DNAJC1: variants seen among roughly 807,000 people sequenced by gnomAD.
The protein encoded by DNAJC1 is DnaJ heat shock protein family (Hsp40) member C1.
Under a neutral mutation model 76.6 loss-of-function variants are expected in DNAJC1, and 58 were observed. The observed-to-expected ratio is 0.76, with a 90% CI of 0.61 to 0.94. The LOEUF (loss-of-function observed/expected upper bound fraction) is 0.94. Ranked by LOEUF, DNAJC1 falls within the 40% of genes least tolerant of loss-of-function variation. The probability of loss-of-function intolerance (pLI) is 0.00; values close to 1 mark genes in which losing one functional copy is unlikely to be tolerated. For synonymous variants in DNAJC1, 258 were observed against 267.9 expected (o/e 0.96, Z 0.36); for missense variants, 689 against 677.3 (o/e 1.02, Z -0.19).
chr10:21,804,258 T>C (rs1012352103), intron 9 of DNAJC1, among the ~76,000 whole-genome samples: 2 of 152,080 alleles, frequency 1.3e-5, no homozygotes, highest in South Asian at 2.1e-4. Context: ...TAGAGCCTTA[T>C]AGAAATATTA....
chr10:21,988,508 A>G (rs975377985), intron 1 of DNAJC1, among the ~76,000 whole-genome samples: 3 of 152,190 alleles, frequency 2.0e-5, no homozygotes, highest in African/African-American at 7.2e-5. Context: ...CCTTAAAAAT[A>G]TATCATTTAA....
At chr10:21,815,033 G>C (rs369652878) in intron 8 of DNAJC1, among the ~76,000 whole-genome samples, 5 of 152,254 alleles carry the variant, frequency 3.3e-5, no homozygotes, top group East Asian at 1.9e-4. Context: ...CAAACTCCAC[G>C]ACCTCAGCTA....
chr10:21,838,063 G>A (rs1447391142), intron 8 of DNAJC1, among the ~76,000 whole-genome samples: 1 of 148,788 alleles, frequency 6.7e-6, no homozygotes, highest in Non-Finnish European at 1.5e-5. Context: ...GCCTCTGCCT[G>A]GCCGCCCCTT....
intron 9 of DNAJC1, among the ~76,000 whole-genome samples, chr10:21,799,397 CA>C (rs1043545286): frequency 2.0e-4 from 30 of 152,190 alleles, no homozygotes; most frequent in African/African-American, 7.2e-4. Context: ...CTCCTGGGCT[CA>C]AGTGATCCTC....
At chr10:21,775,333 T>C (rs967311733) in intron 9 of DNAJC1, among the ~76,000 whole-genome samples, 1 of 4,318 alleles carries the variant, frequency 2.3e-4, no homozygotes, top group Non-Finnish European at 1.5e-3. Context: ...GCAAATGGCT[T>C]TTTTTTTTTT....
At chr10:21,767,407 C>T (rs564719384) in intron 9 of DNAJC1, among the ~76,000 whole-genome samples, 1 of 152,172 alleles carries the variant, frequency 6.6e-6, no homozygotes, top group South Asian at 2.1e-4. Flanking sequence ...CCTTATTTTT[C>T]TTTTATCTTC....
chr10:21,964,763 T>C (rs1043848470), intron 1 of DNAJC1, among the ~76,000 whole-genome samples: 9 of 151,904 alleles, frequency 5.9e-5, no homozygotes, highest in Admixed American at 6.6e-5. Context: ...GTCTTCATTG[T>C]GTTCTTTTTC....
intron 8 of DNAJC1, among the ~76,000 whole-genome samples, chr10:21,870,074 C>T (rs1836077351): frequency 6.6e-6 from 1 of 151,804 alleles, no homozygotes; most frequent in Non-Finnish European, 1.5e-5. Flanking sequence ...CAAATCAAAT[C>T]AAATAACAAA....
At chr10:21,780,730 G>A (rs537007595) in intron 9 of DNAJC1, among the ~76,000 whole-genome samples, 10 of 152,130 alleles carry the variant, frequency 6.6e-5, no homozygotes, top group African/African-American at 2.4e-4. Context: ...GACAGGATCA[G>A]ATTCACACAT....
At chr10:21,858,898 T>C (rs571621478) in intron 8 of DNAJC1, among the ~76,000 whole-genome samples, 2 of 152,312 alleles carry the variant, frequency 1.3e-5, no homozygotes, top group African/African-American at 2.4e-5. Flanking sequence ...ACTCACAAAT[T>C]TGAATGATTG....
intron 1 of DNAJC1, among the ~76,000 whole-genome samples, chr10:21,994,842 A>G (rs1181331558): frequency 6.6e-6 from 1 of 151,292 alleles, no homozygotes; most frequent in East Asian, 1.9e-4. Context: ...ACTACATATA[A>G]AAGATCCATA....
At chr10:21,886,070 C>A (rs930361885) in intron 7 of DNAJC1, among the ~76,000 whole-genome samples, 1 of 151,786 alleles carries the variant, frequency 6.6e-6, no homozygotes, top group African/African-American at 2.4e-5. Flanking sequence ...AAAAATTTAA[C>A]AAGATAGGTA....
chr10:21,790,010 TAA>T (rs35639440), intron 9 of DNAJC1, among the ~76,000 whole-genome samples: 119 of 41,102 alleles, frequency 2.9e-3, no homozygotes, highest in Middle Eastern at 0.025. Context: ...GCTCTGTCTT[TAA>T]AAAAAAAAAA....
chr10:21,956,546 T>C (rs1471984808), intron 1 of DNAJC1, among the ~76,000 whole-genome samples: 1 of 151,132 alleles, frequency 6.6e-6, no homozygotes, highest in Admixed American at 6.6e-5. Context: ...TACACATAAA[T>C]ACACATACAT....
At chr10:21,826,969 T>A (rs1381901095) in intron 8 of DNAJC1, among the ~76,000 whole-genome samples, 5 of 152,230 alleles carry the variant, frequency 3.3e-5, no homozygotes, top group Non-Finnish European at 7.4e-5. Flanking sequence ...TCAAGTTTTT[T>A]TTTTTTTCCT....
chr10:21,843,175 G>C (rs967107499), intron 8 of DNAJC1, among the ~76,000 whole-genome samples: 1 of 152,130 alleles, frequency 6.6e-6, no homozygotes, highest in African/African-American at 2.4e-5. Flanking sequence ...GAGGAAGTAT[G>C]TATGATTATT....
At chr10:21,877,381 CAA>C (rs1017476496) in intron 8 of DNAJC1, among the ~76,000 whole-genome samples, 2 of 151,686 alleles carry the variant, frequency 1.3e-5, no homozygotes, top group Admixed American at 1.3e-4. Context: ...TTCTAGTCAT[CAA>C]AAGACACCAC....
intron 6 of DNAJC1, among the ~76,000 whole-genome samples, chr10:21,917,576 A>AT (rs1471253698): frequency 6.6e-6 from 1 of 152,074 alleles, no homozygotes; most frequent in Non-Finnish European, 1.5e-5. Context: ...TCTCATAAAC[A>AT]TACCAGTGTG....
intron 8 of DNAJC1, among the ~76,000 whole-genome samples, chr10:21,847,789 A>G (rs1212712814): frequency 6.6e-6 from 1 of 152,096 alleles, no homozygotes; most frequent in Admixed American, 6.5e-5. Context: ...TCATGGTTGA[A>G]TGATATTCCA....
Sources: allele counts gnomAD v4.1 joint callset (sites outside exome capture counted in the v4.1 genomes callset), GRCh38; gene constraint gnomAD v4.1.1; transcripts MANE v1.5; gene names NCBI Gene and HGNC (gene_info 2026-07-23, HGNC 2026-07-21).